FCRL4: variants seen among roughly 807,000 people sequenced by gnomAD.
FCRL4 encodes Fc receptor-like protein 4.
Under a neutral mutation model 64.1 loss-of-function variants are expected in FCRL4, and 43 were observed. The ratio of observed to expected loss-of-function variants is 0.67; its 90% CI spans 0.53 to 0.87. The LOEUF (loss-of-function observed/expected upper bound fraction) is 0.87. Ranked by LOEUF, FCRL4 falls within the 40% of genes least tolerant of loss-of-function variation. The pLI, the probability that FCRL4 is intolerant of heterozygous loss-of-function variation, is 0.00. For synonymous variants in FCRL4, 253 were observed against 239.8 expected, an observed-to-expected ratio of 1.05 and a Z score of -0.51; for missense variants, 656 against 613.5, an observed-to-expected ratio of 1.07 and a Z score of -0.73.
intron 6 of FCRL4, among the ~76,000 whole-genome samples, chr1:157,583,077 T>C (rs1176903215): frequency 6.6e-6 from 1 of 152,162 alleles, no homozygotes; most frequent in Admixed American, 6.5e-5. Context: ...TAAATCCAGG[T>C]TGTTGGATTA....
chr1:157,588,185 T>C (rs1322689435), intron 3 of FCRL4, 66 bp from the exon 4 acceptor site: 13 of 1,514,208 alleles, frequency 8.6e-6, no homozygotes, highest in Non-Finnish European at 1.1e-5. Flanking sequence ...TTCTCTTGAA[T>C]TACAAAGGCT....
intron 6 of FCRL4, 68 bp downstream of exon 6, chr1:157,586,100 G>T: frequency 6.8e-7 from 1 of 1,461,494 alleles, no homozygotes; most frequent in Non-Finnish European, 9.3e-7. Flanking sequence ...GGTAATGTTA[G>T]CTATCCCCAC....
intron 10 of FCRL4, among the ~76,000 whole-genome samples, chr1:157,576,236 A>G (rs1652411119): frequency 6.6e-6 from 1 of 152,214 alleles, no homozygotes; most frequent in African/African-American, 2.4e-5. Flanking sequence ...TTGGTGAACC[A>G]TGCATATTAG....
intron 1 of FCRL4, among the ~76,000 whole-genome samples, chr1:157,597,344 T>C (rs1046651742): frequency 6.6e-6 from 1 of 152,236 alleles, no homozygotes; most frequent in Non-Finnish European, 1.5e-5. Context: ...TGTTCTTTAA[T>C]TCCCTAGTTT....
chr1:157,597,594 C>T (rs921643606), intron 1 of FCRL4, among the ~76,000 whole-genome samples: 10 of 152,198 alleles, frequency 6.6e-5, no homozygotes, highest in Admixed American at 5.2e-4. Context: ...CCATCTTTTC[C>T]TCTGGGTCCT....
rs1268614218 is a variant in FCRL4, at chr1:157,581,566, G to A, written c.1214C>T (p.Ala405Val). 1 of 1,614,054 alleles carries A rather than the reference G, an allele frequency of 6.2e-7. No homozygotes were observed. The highest frequency in any genetic ancestry group is 1.1e-5 in the South Asian group (1 of 91,074). The change falls in exon 7 of 12, where the codon GCC becomes GTC. Residue 405 changes from alanine (A) to valine (V), a missense_variant. Transcript: ENST00000271532. ...GLLSALLLAV[A>V]LLFHCWRRRK... is the part of the protein sequence containing the mutation. ...CCGACGCCAGCAGTGAAACAGCAGGGCCACAGCCAGGAGAAGAGCACTGAG... is the reference window on the plus strand; with the variant it reads ...CCGACGCCAGCAGTGAAACAGCAGGACCACAGCCAGGAGAAGAGCACTGAG...
At position 157,575,288 on chromosome 1, in the gene FCRL4, G is replaced by T. The variant is rs1343026272; in HGVS notation, c.*236C>A. 1.8e-6 allele frequency: 1 copy of T among 547,504 alleles called. No homozygotes were observed. The highest frequency in any genetic ancestry group is 1.9e-5 in the African/African-American group (1 of 53,084). 33.9% of individuals were successfully genotyped at this position (547,504 alleles called of 1,614,324 possible). On this transcript the variant is annotated 3_prime_UTR_variant, in exon 12 of 12. Transcript: ENST00000271532. ...GGTCAGGCCCACAGCAAATACTACA[G>T]GGTCTTCTCTTAACTGTGGATCCTG...
chr1:157,578,365 A>G, intron 10 of FCRL4, 109 bp downstream of exon 10: 2 of 925,926 alleles, frequency 2.2e-6, no homozygotes, highest in Non-Finnish European at 1.7e-6. Flanking sequence ...TTGTTTACTG[A>G]TTGACTTCCC....
intron 1 of FCRL4, among the ~76,000 whole-genome samples, chr1:157,597,072 T>C (rs1195564012): frequency 6.6e-6 from 1 of 152,232 alleles, no homozygotes; most frequent in East Asian, 1.9e-4. Context: ...TTTTCTCATA[T>C]TGTCGAGTCA....
chr1:157,594,345 G>T (rs1652909529), intron 2 of FCRL4, among the ~76,000 whole-genome samples: 1 of 152,170 alleles, frequency 6.6e-6, no homozygotes, highest in African/African-American at 2.4e-5. Context: ...GATGCACACT[G>T]GGTGCTCTTT....
In FCRL4 at chr1:157,587,483, T is replaced by A; in HGVS notation, c.640A>T (p.Thr214Ser). 1 of 1,614,028 alleles carries A rather than the reference T, an allele frequency of 6.2e-7. No homozygotes were observed. Among genetic ancestry groups the A allele is most frequent in the Non-Finnish European group, 8.5e-7 (1 of 1,179,840 alleles). The stretch of plus-strand genomic sequence containing the variant: ...TCTGACCGCTCTGGAGGAAGCTGTG[T>A]TTCACAGCTCAGGTTTACAGAATTC... The part of the protein sequence containing the change: ...EGNSVNLSCE[T>S]QLPPERSDTP... Residue 214 changes from threonine to serine, a missense_variant, in exon 5 of 12, where the codon ACA (threonine) becomes TCA (serine). By Grantham distance (58) the Thr-to-Ser change is moderately conservative. Transcript: ENST00000271532.
intron 2 of FCRL4, among the ~76,000 whole-genome samples, chr1:157,591,457 T>C (rs1652838322): frequency 6.6e-6 from 1 of 152,148 alleles, no homozygotes; most frequent in African/African-American, 2.4e-5. Flanking sequence ...GGGTTGTAGA[T>C]GGAGTGAATA....
chr1:157,577,319 A>G (rs1652438791), intron 10 of FCRL4, among the ~76,000 whole-genome samples: 1 of 152,164 alleles, frequency 6.6e-6, no homozygotes, highest in Non-Finnish European at 1.5e-5. Flanking sequence ...AGTGGACCAT[A>G]GGTTGCAGTT....
In FCRL4 at chr1:157,586,472, C is replaced by A. The variant is rs75246959; in HGVS notation, c.848-17G>T. The A allele has an allele frequency of 6.2e-3, 9,794 of 1,592,028 alleles. 34 individuals are homozygous for A. Among genetic ancestry groups the A allele is most frequent in the Middle Eastern group, 0.013 (75 of 5,942 alleles). On this transcript the variant is annotated splice_polypyrimidine_tract_variant and intron_variant, in intron 5 of 11. Coordinates refer to ENST00000271532, the MANE Select transcript of FCRL4 (RefSeq NM_031282.3). Reference sequence around the variant, plus strand: ...CAGGGATCCCTATGTGAAAATGAGACCACAGGTGGGGGTCGGGTGTGAAGG... The same window carrying A: ...CAGGGATCCCTATGTGAAAATGAGAACACAGGTGGGGGTCGGGTGTGAAGG...
chr1:157,589,598 G>A, intron 2 of FCRL4, 140 bp from the exon 3 acceptor site: 1 of 1,090,806 alleles, frequency 9.2e-7, no homozygotes, highest in Non-Finnish European at 1.3e-6. Context: ...CCAGGTTGCA[G>A]GTGAGCTGTG....
In FCRL4 at chr1:157,574,950, C is replaced by T. The variant is rs149144976; in HGVS notation, c.*574G>A. 110 of 215,842 alleles carry T rather than the reference C, an allele frequency of 5.1e-4. No individual in the cohort carries two copies. In the East Asian group the frequency reaches 7.6e-3, roughly 15 times the overall value. The allele number at this position is 215,842 out of a possible 1,614,324, so 13.4% of individuals were successfully genotyped here. A position where few individuals can be genotyped will look rare whatever the true frequency, so the allele number is the denominator to read the frequency against. ...TTCTGATGTCCTCTTTTAAATTCCT[C>T]TCTCTGTAAACCATTCCAGATGGGT... On this transcript the variant is annotated 3_prime_UTR_variant, in exon 12 of 12. Transcript: ENST00000271532.
intron 2 of FCRL4, among the ~76,000 whole-genome samples, chr1:157,595,075 T>A (rs1230075365): frequency 5.3e-5 from 8 of 152,120 alleles, no homozygotes; most frequent in African/African-American, 1.7e-4. Context: ...ATTTTTTGTA[T>A]TTTCAGTAGA....
intron 7 of FCRL4, among the ~76,000 whole-genome samples, chr1:157,581,070 A>T (rs1034347200): frequency 2.0e-5 from 3 of 151,598 alleles, no homozygotes; most frequent in Non-Finnish European, 4.4e-5. Flanking sequence ...GCCCCTGAAA[A>T]GCCAGACCCA....
At chr1:157,589,570 C>A (rs1025986858) in intron 2 of FCRL4, 112 bp from the exon 3 acceptor site, 6 of 1,341,648 alleles carry the variant, frequency 4.5e-6, no homozygotes, top group Non-Finnish European at 5.1e-6. Context: ...AAGATGCCCC[C>A]GGATGACTTC....
Sources: allele counts gnomAD v4.1 joint callset (sites outside exome capture counted in the v4.1 genomes callset), GRCh38; gene constraint gnomAD v4.1.1; transcripts MANE v1.5; gene names NCBI Gene and HGNC (gene_info 2026-07-23, HGNC 2026-07-21).